The following KCTD8 variants were observed in gnomAD, a reference collection of about 807,000 sequenced individuals.
KCTD8 encodes the protein BTB/POZ domain-containing protein KCTD8.
Under a neutral mutation model 31.5 loss-of-function variants are expected in KCTD8, and 27 were observed. That is an observed-to-expected ratio of 0.86 (90% CI 0.63 to 1.18). The LOEUF (loss-of-function observed/expected upper bound fraction) is 1.18. KCTD8 is among the 50% of genes most tolerant of loss of function. The pLI is 0.00. For missense variants in KCTD8, 658 were observed against 647.7 expected (o/e 1.02, Z -0.17); for synonymous variants, 290 against 280.0 (o/e 1.04, Z -0.36).
chr4:44,289,972 C>A (rs1261627504), intron 1 of KCTD8, among the ~76,000 whole-genome samples: 1 of 152,040 alleles, frequency 6.6e-6, no homozygotes, highest in Non-Finnish European at 1.5e-5. Flanking sequence ...TCAGTACTAA[C>A]CCTGAAAGTA....
chr4:44,284,334 T>C (rs1047380384), intron 1 of KCTD8, among the ~76,000 whole-genome samples: 2 of 151,932 alleles, frequency 1.3e-5, no homozygotes, highest in African/African-American at 4.8e-5. Flanking sequence ...ACATACCATC[T>C]GATCTTTGAC....
At chr4:44,241,297 G>T (rs771073054) in intron 1 of KCTD8, among the ~76,000 whole-genome samples, 1 of 152,084 alleles carries the variant, frequency 6.6e-6, no homozygotes, top group Admixed American at 6.5e-5. Flanking sequence ...AAGAAAATTC[G>T]GTTTTTCTGG....
At chr4:44,440,710 G>A (rs1721791649) in intron 1 of KCTD8, among the ~76,000 whole-genome samples, 2 of 152,184 alleles carry the variant, frequency 1.3e-5, no homozygotes, top group South Asian at 4.1e-4. Flanking sequence ...CCTCTGCCCT[G>A]AGGGGCTGAG....
At chr4:44,206,967 G>T (rs1467393308) in intron 1 of KCTD8, among the ~76,000 whole-genome samples, 1 of 152,156 alleles carries the variant, frequency 6.6e-6, no homozygotes, top group Non-Finnish European at 1.5e-5. Context: ...TTTACTATTT[G>T]TTGGGTCCTT....
intron 1 of KCTD8, among the ~76,000 whole-genome samples, chr4:44,221,152 C>G (rs1180716077): frequency 3.9e-5 from 6 of 152,166 alleles, no homozygotes; most frequent in Non-Finnish European, 8.8e-5. Flanking sequence ...TCCAAATTCA[C>G]CCTTAAGTAC....
intron 1 of KCTD8, among the ~76,000 whole-genome samples, chr4:44,300,918 CAT>C (rs1288556997): frequency 6.8e-6 from 1 of 146,714 alleles, no homozygotes; most frequent in East Asian, 2.0e-4. Flanking sequence ...TTCCTGTGTC[CAT>C]ATGTTCTCAT....
intron 1 of KCTD8, among the ~76,000 whole-genome samples, chr4:44,444,106 A>T (rs1721881636): frequency 6.6e-6 from 1 of 152,182 alleles, no homozygotes; most frequent in South Asian, 2.1e-4. Context: ...GTAGCCAAAT[A>T]AAGCTGATAT....
rs573117632 is a variant in KCTD8, at chr4:44,180,636, A to G, written c.962-5386T>C. Among the ~76,000 whole-genome samples, 3 of 151,816 alleles carry G rather than the reference A, an allele frequency of 2.0e-5. No homozygotes were observed. The East Asian group carries it at 5.8e-4, about 30-fold the overall frequency. On this transcript the variant is annotated intron_variant, in intron 1 of 1. Transcript: ENST00000360029. ...ACACACACACTTAGATGCATTTATTATGCTGAAATTTTTTCATCACTAGGG... is the reference window on the plus strand; with the variant it reads ...ACACACACACTTAGATGCATTTATTGTGCTGAAATTTTTTCATCACTAGGG...
At chr4:44,391,433 T>C (rs547497750) in intron 1 of KCTD8, among the ~76,000 whole-genome samples, 280 of 152,022 alleles carry the variant, frequency 1.8e-3, no homozygotes, top group Non-Finnish European at 2.9e-3. Flanking sequence ...ACCCCTTCTC[T>C]TCCTCCTCTT....
At chr4:44,215,486 T>C (rs1174679318) in intron 1 of KCTD8, among the ~76,000 whole-genome samples, 3 of 152,148 alleles carry the variant, frequency 2.0e-5, no homozygotes, top group Non-Finnish European at 4.4e-5. Context: ...ATTTATAACT[T>C]TTATAGGGAA....
chr4:44,343,509 G>A (rs551338478), intron 1 of KCTD8, among the ~76,000 whole-genome samples: 1 of 152,158 alleles, frequency 6.6e-6, no homozygotes, highest in South Asian at 2.1e-4. Context: ...ACCAAAATGT[G>A]ACTCAGAGAC....
At chr4:44,383,621 C>T (rs1402623664) in intron 1 of KCTD8, among the ~76,000 whole-genome samples, 1 of 151,864 alleles carries the variant, frequency 6.6e-6, no homozygotes, top group East Asian at 1.9e-4. Context: ...ACCATAAACA[C>T]AATAATAAAA....
intron 1 of KCTD8, among the ~76,000 whole-genome samples, chr4:44,348,338 A>G (rs1187372322): frequency 2.0e-5 from 3 of 152,204 alleles, no homozygotes; most frequent in Non-Finnish European, 4.4e-5. Flanking sequence ...CATCGATCTG[A>G]AAGTCCAACT....
Position 44,447,584 on chromosome 4 carries a change from A to G in KCTD8, c.940T>C (p.Tyr314His). ...QYRDDKIWSS[Y>H]TEYIFFRPPQ... is the part of the protein sequence containing the mutation. ...TTACGGAAGAAAATGTACTCGGTGTAGCTGCTCCAGATCTTGTCGTCGCGG... is the reference window on the plus strand; with the variant it reads ...TTACGGAAGAAAATGTACTCGGTGTGGCTGCTCCAGATCTTGTCGTCGCGG... Residue 314 changes from tyrosine (Y) to histidine (H), a missense_variant, in exon 1 of 2, where the codon TAC (tyrosine) becomes CAC (histidine). By Grantham distance (83) the Tyr-to-His change is moderately conservative (BLOSUM62 2). Transcript: ENST00000360029. The G allele has an allele frequency of 6.3e-7, 1 of 1,592,678 alleles. No homozygotes were observed. The highest frequency in any genetic ancestry group is 8.6e-7 in the Non-Finnish European group (1 of 1,168,562).
intron 1 of KCTD8, among the ~76,000 whole-genome samples, chr4:44,281,053 A>G (rs368097861): frequency 7.8e-4 from 119 of 152,184 alleles, no homozygotes; most frequent in African/African-American, 2.7e-3. Flanking sequence ...GACTTTAAAA[A>G]TGAGTAAGTT....
intron 1 of KCTD8, among the ~76,000 whole-genome samples, chr4:44,444,584 C>T (rs556506460): frequency 6.6e-6 from 1 of 152,192 alleles, no homozygotes; most frequent in African/African-American, 2.4e-5. Context: ...ATGAGTCAGG[C>T]ACTAATCTAA....
chr4:44,261,728 C>T (rs1048080925), intron 1 of KCTD8, among the ~76,000 whole-genome samples: 3 of 151,850 alleles, frequency 2.0e-5, no homozygotes, highest in African/African-American at 7.3e-5. Flanking sequence ...AACATAATAT[C>T]CTCCAGGTTC....
At chr4:44,346,144 A>G (rs916709654) in intron 1 of KCTD8, among the ~76,000 whole-genome samples, 1 of 152,164 alleles carries the variant, frequency 6.6e-6, no homozygotes, top group African/African-American at 2.4e-5. Context: ...TCCCACTTTC[A>G]AATTCTATGG....
chr4:44,293,018 T>C (rs1717325181), intron 1 of KCTD8, among the ~76,000 whole-genome samples: 1 of 152,106 alleles, frequency 6.6e-6, no homozygotes, highest in South Asian at 2.1e-4. Flanking sequence ...TCTTTGTAGA[T>C]AAGGGCTTGT....
Sources: gnomAD v4.1 joint callset for allele counts (sites outside exome capture counted in the v4.1 genomes callset) on GRCh38, gnomAD v4.1.1 for gene constraint, MANE v1.5 for transcripts, NCBI Gene and HGNC (gene_info 2026-07-23, HGNC 2026-07-21) for gene names.